The following TSHZ2 variants were observed in gnomAD, a reference collection of about 807,000 sequenced individuals.
TSHZ2 encodes teashirt homolog 2.
A neutral mutation model predicts 74.4 loss-of-function variants in TSHZ2; 21 were observed. That is an observed-to-expected ratio of 0.28 (90% CI 0.20 to 0.41). The LOEUF is 0.41. Ranked by LOEUF, TSHZ2 falls within the 10% of genes least tolerant of loss-of-function variation. The pLI is 1.00. For missense variants in TSHZ2, 1,244 were observed against 1,293.5 expected, an observed-to-expected ratio of 0.96 and a Z score of 0.59; for synonymous variants, 540 against 515.3, an observed-to-expected ratio of 1.05 and a Z score of -0.65.
intron 1 of TSHZ2, among the ~76,000 whole-genome samples, chr20:53,113,784 A>G (rs1039498694): frequency 6.6e-6 from 1 of 152,146 alleles, no homozygotes; most frequent in African/African-American, 2.4e-5. Context: ...ATCTCCTCTT[A>G]TCACAAATTA....
At chr20:53,069,702 C>G (rs1166548883) in intron 1 of TSHZ2, among the ~76,000 whole-genome samples, 2 of 91,486 alleles carry the variant, frequency 2.2e-5, no homozygotes, top group East Asian at 3.1e-4. Context: ...CACACACACA[C>G]ACACACACGC....
chr20:53,044,156 T>C lies in TSHZ2; in HGVS notation c.40+70823T>C, dbSNP rs1200614379. 2.0e-5 allele frequency among the ~76,000 whole-genome samples: 3 copies of C among 152,244 alleles called. No individual in the cohort carries two copies. In the East Asian group the frequency reaches 5.8e-4, roughly 29 times the overall value. On this transcript the variant is annotated intron_variant, in intron 1 of 2. Transcript: ENST00000371497. ...TTCTGATTTTGGATTGTTTCAGATT[T>C]TGGAATACGTGCAAAGAGCATCCCT...
intron 1 of TSHZ2, among the ~76,000 whole-genome samples, chr20:53,112,029 A>C (rs928329571): frequency 6.6e-6 from 1 of 152,194 alleles, no homozygotes; most frequent in Non-Finnish European, 1.5e-5. Context: ...TCCCGGCCTC[A>C]TCAAGAACTG....
chr20:53,000,822 TTC>T (rs1489395638), intron 1 of TSHZ2, among the ~76,000 whole-genome samples: 2 of 152,224 alleles, frequency 1.3e-5, no homozygotes, highest in Non-Finnish European at 2.9e-5. Context: ...TTGAGGTCTC[TTC>T]CAGCGCTCTG....
At chr20:53,359,802 C>T (rs1341403745) in intron 2 of TSHZ2, among the ~76,000 whole-genome samples, 1 of 152,176 alleles carries the variant, frequency 6.6e-6, no homozygotes, top group African/African-American at 2.4e-5. Context: ...CCGTGGAGGG[C>T]TTCGAGCCAG....
chr20:53,297,564 T>A (rs892595606), intron 2 of TSHZ2, among the ~76,000 whole-genome samples: 2 of 152,258 alleles, frequency 1.3e-5, no homozygotes, highest in African/African-American at 2.4e-5. Flanking sequence ...CCATAGAGAC[T>A]TGATATGACT....
At chr20:52,986,755 C>A (rs1228912974) in intron 1 of TSHZ2, among the ~76,000 whole-genome samples, 2 of 152,082 alleles carry the variant, frequency 1.3e-5, no homozygotes, top group Admixed American at 1.3e-4. Context: ...TAATCTTAGA[C>A]TTTTGTTGTC....
rs553517704 is a variant in TSHZ2 at position 53,392,075 on chromosome 20, T to C, written c.*9-95069T>C. On this transcript the variant is annotated intron_variant, in intron 2 of 2. Transcript: ENST00000371497. Reference sequence around the variant, plus strand: ...GGTAATACTTAGAATAATAAAGACATGGAGGTAATTTTATTGGTCAATGAT... The same window carrying C: ...GGTAATACTTAGAATAATAAAGACACGGAGGTAATTTTATTGGTCAATGAT... Among the ~76,000 whole-genome samples the C allele has an allele frequency of 5.3e-5, 8 of 152,308 alleles. No homozygotes were observed. In the South Asian group the frequency reaches 1.7e-3, roughly 32 times the overall value.
intron 1 of TSHZ2, among the ~76,000 whole-genome samples, chr20:53,103,071 G>A (rs1181400172): frequency 6.6e-6 from 1 of 151,960 alleles, no homozygotes; most frequent in Non-Finnish European, 1.5e-5. Context: ...ACGTGTACTG[G>A]GTCACAATAT....
At chr20:53,463,850 A>G (rs1002785021) in intron 2 of TSHZ2, among the ~76,000 whole-genome samples, 3 of 152,206 alleles carry the variant, frequency 2.0e-5, no homozygotes, top group African/African-American at 7.2e-5. Flanking sequence ...GTTGCTTAAC[A>G]TCTCTGAGCC....
At chr20:53,265,398 C>T (rs577300665) in intron 2 of TSHZ2, among the ~76,000 whole-genome samples, 1 of 152,014 alleles carries the variant, frequency 6.6e-6, no homozygotes, top group East Asian at 1.9e-4. Context: ...CAGGGACAGG[C>T]GGGGGTGCAG....
In TSHZ2 at chr20:53,074,957, G is replaced by C. The variant is rs1013312777; in HGVS notation, c.40+101624G>C. ...TCAGTGTTTTTCCCACTCAACCACA[G>C]ATGTTTTATGTCCTCTTTTGTCGCT... is the stretch of plus-strand genomic sequence containing the variant. On this transcript the variant is annotated intron_variant, in intron 1 of 2. Coordinates refer to ENST00000371497, the MANE Select transcript of TSHZ2 (RefSeq NM_173485.6). This position sits in a 1 kb window ranked among gnomAD's most constrained non-coding sequence, Gnocchi z 5.9. Among the ~76,000 whole-genome samples, 3 of 152,202 alleles carry C rather than the reference G, an allele frequency of 2.0e-5. No individual in the cohort carries two copies. The highest frequency in any genetic ancestry group is 4.4e-5 in the Non-Finnish European group (3 of 68,032).
chr20:53,130,533 T>C (rs1034085676), intron 1 of TSHZ2, among the ~76,000 whole-genome samples: 14 of 152,122 alleles, frequency 9.2e-5, no homozygotes, highest in Non-Finnish European at 1.9e-4. Context: ...GGCTGAGGCA[T>C]GAGAATTGCT....
chr20:53,127,026 AAG>A (rs530822882), intron 1 of TSHZ2, among the ~76,000 whole-genome samples: 55 of 151,898 alleles, frequency 3.6e-4, no homozygotes, highest in African/African-American at 1.3e-3. Context: ...GGTAAAAAAA[AAG>A]AAGAAGAGGA....
intron 1 of TSHZ2, among the ~76,000 whole-genome samples, chr20:52,985,830 G>A (rs561544811): frequency 1.3e-5 from 2 of 152,302 alleles, no homozygotes; most frequent in East Asian, 3.9e-4. Flanking sequence ...CTCCAATTAT[G>A]CAGTTTTAAT....
chr20:52,997,737 A>G (rs1982260000), intron 1 of TSHZ2, among the ~76,000 whole-genome samples: 1 of 152,188 alleles, frequency 6.6e-6, no homozygotes, highest in Non-Finnish European at 1.5e-5. Context: ...CAGCAACTCC[A>G]ACTAAATCTT....
intron 2 of TSHZ2, among the ~76,000 whole-genome samples, chr20:53,343,002 C>T (rs200619): frequency 0.85 from 110,938 of 131,126 alleles, 47,410 homozygotes; most frequent in African/African-American, 0.95. Context: ...AGTCTCACCC[C>T]GTCACCCAGG....
chr20:53,088,480 T>C (rs1246431587), intron 1 of TSHZ2, among the ~76,000 whole-genome samples: 1 of 152,220 alleles, frequency 6.6e-6, no homozygotes, highest in Non-Finnish European at 1.5e-5. Context: ...TTGAATGGAA[T>C]TGAGGATCTC....
intron 1 of TSHZ2, among the ~76,000 whole-genome samples, chr20:53,211,275 A>C (rs756745347): frequency 6.6e-6 from 1 of 152,198 alleles, no homozygotes; most frequent in Non-Finnish European, 1.5e-5. Flanking sequence ...TTTAAAATTA[A>C]ACCTCCGATG....
Sources: gnomAD v4.1 joint callset for allele counts (sites outside exome capture counted in the v4.1 genomes callset) on GRCh38, gnomAD v4.1.1 for gene constraint, Gnocchi (gnomAD v3.1) non-coding constraint, MANE v1.5 for transcripts, NCBI Gene and HGNC (gene_info 2026-07-23, HGNC 2026-07-21) for gene names.